ART1: variants seen among roughly 807,000 people sequenced by gnomAD.
ART1 encodes GPI-linked NAD(P)(+)--arginine ADP-ribosyltransferase 1.
In ART1, 29 loss-of-function variants were observed where a neutral mutation model predicts 27.0. The observed-to-expected ratio is 1.08, with a 90% CI of 0.80 to 1.47. The LOEUF is 1.47. Among genes scored for constraint, ART1 ranks in the 40% most tolerant of loss-of-function variants. The pLI is 0.00. For synonymous variants in ART1, 201 were observed against 172.2 expected (o/e 1.17, Z -1.31); for missense variants, 480 against 423.0 (o/e 1.13, Z -1.18).
intron 1 of ART1, among the ~76,000 whole-genome samples, chr11:3,655,046 G>T (rs908955868): frequency 6.6e-6 from 1 of 152,206 alleles, no homozygotes; most frequent in Non-Finnish European, 1.5e-5. Flanking sequence ...CCAGGCTCAT[G>T]GTCTTTGGGT....
At chr11:3,653,289 A>C (rs1424923968) in intron 1 of ART1, among the ~76,000 whole-genome samples, 10 of 148,838 alleles carry the variant, frequency 6.7e-5, no homozygotes, top group Non-Finnish European at 2.9e-5. Context: ...ATACACATCC[A>C]GATGGCCGGT....
chr11:3,659,325 G>A (rs146903060), intron 2 of ART1, 49 bp downstream of exon 2: 28 of 1,611,278 alleles, frequency 1.7e-5, no homozygotes, highest in East Asian at 8.9e-5. Context: ...CTGAGCCATC[G>A]GCTTCTTCTG....
chr11:3,654,910 G>T (rs76654457), intron 1 of ART1, among the ~76,000 whole-genome samples: 2 of 152,122 alleles, frequency 1.3e-5, no homozygotes, highest in East Asian at 3.8e-4. Flanking sequence ...GTTTATTGTA[G>T]AGCAGATGCA....
intron 1 of ART1, among the ~76,000 whole-genome samples, chr11:3,646,113 C>G (rs919104427): frequency 5.3e-5 from 8 of 151,650 alleles, no homozygotes; most frequent in African/African-American, 1.7e-4. Context: ...ATTTTCATCT[C>G]TGCATTTTTA....
chr11:3,659,313 A>G (rs746673496), intron 2 of ART1, 37 bp downstream of exon 2: 75 of 1,613,606 alleles, frequency 4.6e-5, no homozygotes, highest in Non-Finnish European at 6.1e-5. Context: ...CCCAGCAGGG[A>G]ACTGAGCCAT....
At chr11:3,650,342 C>T (rs2077510161) in intron 1 of ART1, among the ~76,000 whole-genome samples, 1 of 152,192 alleles carries the variant, frequency 6.6e-6, no homozygotes, top group Non-Finnish European at 1.5e-5. Flanking sequence ...TCCCAGAGCC[C>T]CTGGAACTCT....
rs1462326531 is a variant in ART1, at chr11:3,664,269, A to G, written c.*80A>G. The G allele has an allele frequency of 7.3e-7, 1 of 1,373,890 alleles. No individual in the cohort carries two copies. Among genetic ancestry groups the G allele is most frequent in the African/African-American group, 1.4e-5 (1 of 70,162 alleles). The allele number at this position is 1,373,890 out of a possible 1,614,324, so 85.1% of individuals were successfully genotyped here. The stretch of plus-strand genomic sequence containing the variant: ...GGCCATGTGTGCTTTCAGTGTAACC[A>G]AGATTCCTGTCAATCCCATCTGCAG... On this transcript the variant is annotated 3_prime_UTR_variant, in exon 5 of 5. Coordinates refer to ENST00000250693, the MANE Select transcript of ART1 (RefSeq NM_004314.3).
At chr11:3,656,317 T>A (rs563377426) in intron 1 of ART1, among the ~76,000 whole-genome samples, 18 of 152,314 alleles carry the variant, frequency 1.2e-4, no homozygotes, top group African/African-American at 4.3e-4. Flanking sequence ...GCCGAGTTGT[T>A]GGGACTACAG....
chr11:3,663,124 C>T lies in ART1; in HGVS notation c.887-968C>T, dbSNP rs142512932. On this transcript the variant is annotated intron_variant, in intron 4 of 4. Transcript: ENST00000250693. The stretch of plus-strand genomic sequence containing the variant: ...CTCATCTCATCTCATCTCATCTCAT[C>T]TCATCTCATCTCATCTCATCATCAT... 2.4e-4 allele frequency among the ~76,000 whole-genome samples: 36 copies of T among 147,344 alleles called. 1 individual carries two copies. The highest frequency in any genetic ancestry group is 9.3e-4 in the African/African-American group (36 of 38,780).
chr11:3,663,081 C>CTCATCTCATCTCATCA (rs2077633813), intron 4 of ART1, among the ~76,000 whole-genome samples: 1 of 92,966 alleles, frequency 1.1e-5, no homozygotes, highest in African/African-American at 4.7e-5. Flanking sequence ...ATCTCATCAT[C>CTCATCTCATCTCATCA]TCATCTCATC....
chr11:3,661,287 C>A, intron 3 of ART1, 85 bp from the exon 4 acceptor site: 5 of 1,266,508 alleles, frequency 3.9e-6, no homozygotes, highest in South Asian at 1.4e-5. Flanking sequence ...TAGAACAAGT[C>A]AGGGATGGAC....
Position 3,660,065 on chromosome 11 carries a change from C to A in ART1, c.546C>A (p.His182Gln), listed in dbSNP as rs149229160. 1 of 1,613,446 alleles carries A rather than the reference C, an allele frequency of 6.2e-7. No homozygotes were observed. Among genetic ancestry groups the A allele is most frequent in the Non-Finnish European group, 8.5e-7 (1 of 1,179,916 alleles). Residue 182 changes from histidine (H) to glutamine (Q), a missense_variant, in exon 3 of 5, where the codon CAC becomes CAA. Transcript: ENST00000250693. ...GCCACCAGGTGTTCCGAGGTGTGCACGGCCTGCGCTTCCGGCCAGCAGGGC... is the reference window on the plus strand; with the variant it reads ...GCCACCAGGTGTTCCGAGGTGTGCAAGGCCTGCGCTTCCGGCCAGCAGGGC... ...PRCHQVFRGV[H>Q]GLRFRPAGPR... is the part of the protein sequence containing the mutation.
At chr11:3,653,183 C>A (rs1167210864) in intron 1 of ART1, among the ~76,000 whole-genome samples, 1 of 148,670 alleles carries the variant, frequency 6.7e-6, no homozygotes, top group Non-Finnish European at 1.5e-5. Flanking sequence ...CAACACTTTA[C>A]CACTATTTCA....
At chr11:3,655,748 A>C (rs1284603738) in intron 1 of ART1, 1 of 152,118 alleles carries the variant, frequency 6.6e-6, no homozygotes, top group Non-Finnish European at 1.5e-5. Context: ...TGAGCCAGTC[A>C]CAATGGTCAA....
At position 3,658,553 on chromosome 11, in the gene ART1, G is replaced by A. The variant is rs916719657; in HGVS notation, c.-52-609G>A. Among the ~76,000 whole-genome samples, 5 of 152,036 alleles carry A rather than the reference G, an allele frequency of 3.3e-5. No homozygotes were observed. In the East Asian group the frequency reaches 5.8e-4, roughly 18 times the overall value. On this transcript the variant is annotated intron_variant, in intron 1 of 4. Coordinates refer to ENST00000250693, the MANE Select transcript of ART1 (RefSeq NM_004314.3). ...CTGATCCCCTCTTCCCCCAGCACCCGGGGTTTATATCTGTCCCTCCCTGGA... is the reference window on the plus strand; with the variant it reads ...CTGATCCCCTCTTCCCCCAGCACCCAGGGTTTATATCTGTCCCTCCCTGGA...
Position 3,659,780 on chromosome 11 carries a change from G to C in ART1, c.261G>C (p.Gln87His). The C allele has an allele frequency of 6.2e-7, 1 of 1,613,516 alleles. No individual in the cohort carries two copies. The highest frequency in any genetic ancestry group is 8.5e-7 in the Non-Finnish European group (1 of 1,179,870). The change falls in exon 3 of 5, where the codon CAG becomes CAC. Residue 87 changes from glutamine (Q) to histidine (H), a missense_variant. Physicochemically the swap from Gln to His is conservative, Grantham distance 24. Transcript: ENST00000250693. ...DSWTLASSQW[Q>H]ERQARWPEWS... Reference sequence around the variant, plus strand: ...GGACACTGGCAAGCAGCCAATGGCAGGAGCGTCAGGCCAGGTGGCCAGAGT... The same window carrying C: ...GGACACTGGCAAGCAGCCAATGGCACGAGCGTCAGGCCAGGTGGCCAGAGT...
In ART1 at chr11:3,664,242, T is replaced by C; in HGVS notation, c.*53T>C. 7 of 1,554,410 alleles carry C rather than the reference T, an allele frequency of 4.5e-6. No individual in the cohort carries two copies. The highest frequency in any genetic ancestry group is 1.1e-5 in the South Asian group (1 of 89,544). On this transcript the variant is annotated 3_prime_UTR_variant, in exon 5 of 5. Coordinates refer to ENST00000250693, the MANE Select transcript of ART1 (RefSeq NM_004314.3). ...GCTGCCTCTGCCCATCCTGAGGATG[T>C]TGGCCATGTGTGCTTTCAGTGTAAC...
chr11:3,661,304 G>A, intron 3 of ART1, 68 bp from the exon 4 acceptor site: 1 of 1,435,204 alleles, frequency 7.0e-7, no homozygotes, highest in East Asian at 2.3e-5. Flanking sequence ...GGACTACCAG[G>A]GCTCTGAGGT....
At position 3,659,277 on chromosome 11, in the gene ART1, G is replaced by A. The variant is rs1376419138; in HGVS notation, c.63+1G>A. The A allele has an allele frequency of 1.2e-6, 2 of 1,614,142 alleles. No individual in the cohort carries two copies. Among genetic ancestry groups the A allele is most frequent in the Admixed American group, 1.7e-5 (1 of 60,018 alleles). On this transcript the variant is annotated splice_donor_variant, in intron 2 of 4. Transcript: ENST00000250693. LOFTEE classifies it high-confidence loss of function. ...TGTGGGCCTCATGGAAGCACTTCAG[G>A]TATGGGCATCCCCCACTGTTCCCAC...
Sources: gnomAD v4.1 joint callset for allele counts (sites outside exome capture counted in the v4.1 genomes callset) on GRCh38, gnomAD v4.1.1 for gene constraint, MANE v1.5 for transcripts, NCBI Gene and HGNC (gene_info 2026-07-23, HGNC 2026-07-21) for gene names.